ANKS3: variants seen among roughly 807,000 people sequenced by gnomAD.
ANKS3 encodes the protein ankyrin repeat and SAM domain-containing protein 3.
A neutral mutation model predicts 80.7 loss-of-function variants in ANKS3; 62 were observed. The observed-to-expected ratio is 0.77, with a 90% CI of 0.63 to 0.95. ANKS3 has a LOEUF of 0.95. ANKS3 is among the 40% of genes least tolerant of loss of function. The probability of loss-of-function intolerance (pLI) is 0.00; values close to 1 mark genes in which losing one functional copy is unlikely to be tolerated. For synonymous variants in ANKS3, 489 were observed against 355.3 expected, an observed-to-expected ratio of 1.38 and a Z score of -4.23; for missense variants, 1,150 against 883.6, an observed-to-expected ratio of 1.30 and a Z score of -3.82.
At chr16:4,731,473 G>C (rs2081614399) in intron 2 of ANKS3, 39 bp downstream of exon 2, 1 of 190,638 alleles carries the variant, frequency 5.2e-6, no homozygotes, top group Admixed American at 6.6e-5. Flanking sequence ...AGAGACGGGG[G>C]TTTCACCATG....
chr16:4,718,695 C>A (rs777582044), intron 6 of ANKS3, among the ~76,000 whole-genome samples: 1 of 152,208 alleles, frequency 6.6e-6, no homozygotes. Flanking sequence ...CCACCAGCAT[C>A]GCTGGCAGGC....
intron 6 of ANKS3, among the ~76,000 whole-genome samples, chr16:4,716,169 AAC>A (rs1432803423): frequency 2.0e-5 from 3 of 151,862 alleles, no homozygotes; most frequent in African/African-American, 7.3e-5. Context: ...CAGCCTGGCC[AAC>A]AGGGTGAATC....
chr16:4,721,259 C>T (rs191545073), intron 6 of ANKS3, among the ~76,000 whole-genome samples: 5 of 143,520 alleles, frequency 3.5e-5, no homozygotes, highest in African/African-American at 5.2e-5. Flanking sequence ...GAGCCGAGAT[C>T]GTGCCACTGC....
At position 4,732,703 on chromosome 16, in the gene ANKS3, C is replaced by G. The variant is rs1001002005; in HGVS notation, c.-70-1124G>C. On this transcript the variant is annotated intron_variant, in intron 1 of 17. Transcript: ENST00000304283. Reference sequence around the variant, plus strand: ...CAAAAAAAAAAACAAAAAAAAAACACTAAAGTGAAAACTAAAATGTCCCAT... The same window carrying G: ...CAAAAAAAAAAACAAAAAAAAAACAGTAAAGTGAAAACTAAAATGTCCCAT... 2.3e-5 allele frequency among the ~76,000 whole-genome samples: 3 copies of G among 132,356 alleles called. 1 individual carries two copies. Among genetic ancestry groups the G allele is most frequent in the Non-Finnish European group, 4.9e-5 (3 of 60,992 alleles). The allele number at this position is 132,356 out of a possible 152,430, so 86.8% of individuals were successfully genotyped here.
In ANKS3 at chr16:4,699,061, A is replaced by C; in HGVS notation, c.1400T>G (p.Ile467Ser). Residue 467 changes from isoleucine to serine, a missense_variant, in exon 12 of 18, where the codon ATT becomes AGT. Ile to Ser is a moderately radical substitution (Grantham distance 142). Transcript: ENST00000304283. ...LTLTESDLKE[I>S]GITLFGPKRK... ...GCCCTTCTGGACGCACGTGATGCCA[A>C]TTTCCTTCAGGTCGCTCTCAGTGAG... 1.9e-6 allele frequency: 3 copies of C among 1,614,084 alleles called. No individual in the cohort carries two copies. Among genetic ancestry groups the C allele is most frequent in the Non-Finnish European group, 2.5e-6 (3 of 1,180,022 alleles).
intron 3 of ANKS3, chr16:4,729,624 G>T (rs1256238316): frequency 6.4e-6 from 1 of 157,098 alleles, no homozygotes; most frequent in Non-Finnish European, 1.4e-5. Context: ...GCCTCCCAAA[G>T]TGCTGGAATT....
chr16:4,730,043 G>T lies in ANKS3; in HGVS notation c.107C>A (p.Pro36His). The T allele has an allele frequency of 1.3e-6, 2 of 1,587,546 alleles. No homozygotes were observed. Among genetic ancestry groups the T allele is most frequent in the Non-Finnish European group, 8.6e-7 (1 of 1,164,094 alleles). The change falls in exon 3 of 18, where the codon CCC (proline) becomes CAC (histidine). Residue 36 changes from proline (P) to histidine (H), a missense_variant. Coordinates refer to ENST00000304283, the MANE Select transcript of ANKS3 (RefSeq NM_133450.4). The part of the protein sequence containing the change: ...TQVSGEELDV[P>H]LDLHTAASIG... ...GGAAGCAGCTGTGTGAAGATCCAGG[G>T]GGACATCCAGCTCCTCCCCGCTGAC...
rs770035706 is a variant in ANKS3, at chr16:4,701,147, G to C, written c.1120-13C>G. On this transcript the variant is annotated splice_polypyrimidine_tract_variant and intron_variant, in intron 10 of 17. Coordinates refer to ENST00000304283, the MANE Select transcript of ANKS3 (RefSeq NM_133450.4). ...CATGATCCGAGTCCTGCAGTGAGAG[G>C]CGTGCATCTGAAAGAGTGCGCGGGC... 7 of 1,613,672 alleles carry C rather than the reference G, an allele frequency of 4.3e-6. No homozygotes were observed. Among genetic ancestry groups the C allele is most frequent in the East Asian group, 2.2e-5 (1 of 44,882 alleles).
intron 11 of ANKS3, chr16:4,700,674 A>G: frequency 2.0e-6 from 1 of 498,814 alleles, no homozygotes. Context: ...AGACTCCTGC[A>G]GGCAGCTCTG....
At chr16:4,722,582 A>G (rs2081158899) in intron 6 of ANKS3, among the ~76,000 whole-genome samples, 1 of 150,042 alleles carries the variant, frequency 6.7e-6, no homozygotes, top group South Asian at 2.1e-4. Flanking sequence ...TCTCAAAAAA[A>G]AAAAAAAAAA....
chr16:4,705,360 A>C, intron 7 of ANKS3, 107 bp from the exon 8 acceptor site: 1 of 1,355,348 alleles, frequency 7.4e-7, no homozygotes, highest in Non-Finnish European at 1.0e-6. Flanking sequence ...TGTTAAATTA[A>C]GGAGAAGGGT....
chr16:4,732,684 AAAAAAC>A (rs1325449426), intron 1 of ANKS3, among the ~76,000 whole-genome samples: 2 of 151,090 alleles, frequency 1.3e-5, no homozygotes, highest in African/African-American at 4.9e-5. Context: ...GTCTCAAAAA[AAAAAAC>A]AAAAAAAAAA....
intron 6 of ANKS3, among the ~76,000 whole-genome samples, chr16:4,718,906 T>C (rs1286378571): frequency 6.6e-6 from 1 of 152,194 alleles, no homozygotes; most frequent in Non-Finnish European, 1.5e-5. Flanking sequence ...TCTCAGGAAA[T>C]ACATATTTAG....
intron 1 of ANKS3, 22 bp downstream of exon 1, chr16:4,733,916 G>C (rs561863727): frequency 2.0e-6 from 2 of 985,466 alleles, no homozygotes; most frequent in African/African-American, 1.7e-5. Context: ...GCGGGTCCCT[G>C]GCCGACAAAC....
intron 7 of ANKS3, among the ~76,000 whole-genome samples, chr16:4,713,245 G>A (rs997459206): frequency 1.3e-5 from 2 of 151,964 alleles, no homozygotes; most frequent in Admixed American, 6.6e-5. Flanking sequence ...TCCAGCCTGA[G>A]CAACAAGAGC....
At chr16:4,703,948 G>C (rs886935138) in intron 8 of ANKS3, among the ~76,000 whole-genome samples, 34 of 152,212 alleles carry the variant, frequency 2.2e-4, no homozygotes, top group Non-Finnish European at 8.8e-5. Flanking sequence ...CAGGATGACA[G>C]CTTCCTTCCT....
At chr16:4,714,883 T>G (rs1357695917) in intron 6 of ANKS3, among the ~76,000 whole-genome samples, 1 of 148,230 alleles carries the variant, frequency 6.7e-6, no homozygotes, top group Non-Finnish European at 1.5e-5. Context: ...TCTCAGCTAC[T>G]CGGGAGGCTG....
At chr16:4,730,729 T>A (rs1399048432) in intron 2 of ANKS3, among the ~76,000 whole-genome samples, 1 of 151,938 alleles carries the variant, frequency 6.6e-6, no homozygotes, top group Non-Finnish European at 1.5e-5. Context: ...TAGCTGGGCA[T>A]GAAGGCCAGC....
At chr16:4,712,109 G>A (rs1464296865) in intron 7 of ANKS3, among the ~76,000 whole-genome samples, 4 of 152,312 alleles carry the variant, frequency 2.6e-5, no homozygotes, top group East Asian at 1.9e-4. Context: ...GGTGGCTCAC[G>A]CCTGTAATCC....
Sources: allele counts gnomAD v4.1 joint callset (sites outside exome capture counted in the v4.1 genomes callset), GRCh38; gene constraint gnomAD v4.1.1; transcripts MANE v1.5; gene names NCBI Gene and HGNC (gene_info 2026-07-23, HGNC 2026-07-21).